Variants in TBC1D5 observed in about 807,000 individuals in gnomAD.
TBC1D5 encodes the protein TBC1 domain family member 5, also known as TBC1 domain family, member 5.
Under a neutral mutation model 100.3 loss-of-function variants are expected in TBC1D5, and 75 were observed. That is an observed-to-expected ratio of 0.75 (90% CI 0.62 to 0.91). The LOEUF is 0.91. Among genes scored for constraint, TBC1D5 ranks in the 40% least tolerant of loss-of-function variants. TBC1D5 has a pLI of 0.00. For missense variants in TBC1D5, 910 were observed against 942.4 expected, an observed-to-expected ratio of 0.97 and a Z score of 0.45; for synonymous variants, 323 against 325.6, an observed-to-expected ratio of 0.99 and a Z score of 0.09.
intron 2 of TBC1D5, among the ~76,000 whole-genome samples, chr3:17,512,175 C>T (rs568943083): frequency 9.2e-5 from 14 of 152,064 alleles, no homozygotes; most frequent in African/African-American, 1.2e-4. Flanking sequence ...ATTTGTGTTT[C>T]ATAAACATTC....
chr3:17,206,446 T>C (rs542213808), intron 18 of TBC1D5, among the ~76,000 whole-genome samples: 1 of 152,340 alleles, frequency 6.6e-6, no homozygotes, highest in South Asian at 2.1e-4. Context: ...GTTAGGCAAT[T>C]CTCCAGTTTT....
At chr3:17,630,268 AT>A (rs568324550) in intron 1 of TBC1D5, among the ~76,000 whole-genome samples, 182 of 152,118 alleles carry the variant, frequency 1.2e-3, no homozygotes, top group African/African-American at 4.2e-3. Flanking sequence ...CAGATGCTGC[AT>A]TTTTTTTACA....
At chr3:17,375,874 G>T (rs552912098) in intron 10 of TBC1D5, among the ~76,000 whole-genome samples, 2 of 152,028 alleles carry the variant, frequency 1.3e-5, no homozygotes, top group African/African-American at 4.8e-5. Flanking sequence ...ATATAGATGC[G>T]CTGGCCTGAT....
At chr3:17,254,819 A>G (rs2077498472) in intron 16 of TBC1D5, among the ~76,000 whole-genome samples, 1 of 151,778 alleles carries the variant, frequency 6.6e-6, no homozygotes, top group Non-Finnish European at 1.5e-5. Flanking sequence ...CTAGAAGAAA[A>G]AGCTGTTACA....
chr3:17,648,694 A>G (rs1300878058), intron 1 of TBC1D5, among the ~76,000 whole-genome samples: 1 of 152,226 alleles, frequency 6.6e-6, no homozygotes, highest in Non-Finnish European at 1.5e-5. Context: ...TTCTCAAAAG[A>G]AGACATACAT....
intron 2 of TBC1D5, among the ~76,000 whole-genome samples, chr3:17,559,678 G>A (rs1038328244): frequency 6.7e-6 from 1 of 148,638 alleles, no homozygotes; most frequent in African/African-American, 2.5e-5. Context: ...CAACCTCCAC[G>A]TCCTGGGTTC....
chr3:17,236,030 T>C (rs1355198456), intron 17 of TBC1D5, among the ~76,000 whole-genome samples: 2 of 152,184 alleles, frequency 1.3e-5, no homozygotes, highest in Non-Finnish European at 2.9e-5. Context: ...GATAATCATG[T>C]TCCAAATACT....
intron 2 of TBC1D5, among the ~76,000 whole-genome samples, chr3:17,526,591 G>A (rs1329797709): frequency 6.6e-6 from 1 of 152,198 alleles, no homozygotes; most frequent in Non-Finnish European, 1.5e-5. Context: ...TAGCTAAACT[G>A]TGTCTCAGTT....
chr3:17,735,297 A>G (rs2076875254), intron 1 of TBC1D5, among the ~76,000 whole-genome samples: 1 of 152,218 alleles, frequency 6.6e-6, no homozygotes, highest in Non-Finnish European at 1.5e-5. Context: ...ACATTCATAC[A>G]ATGAAATAGT....
chr3:17,322,339 G>C (rs1001855872), intron 13 of TBC1D5, among the ~76,000 whole-genome samples: 3 of 152,132 alleles, frequency 2.0e-5, no homozygotes, highest in African/African-American at 7.2e-5. Flanking sequence ...AATAGAATAG[G>C]GTTGACTTTA....
At chr3:17,354,693 T>G (rs991855780) in intron 13 of TBC1D5, among the ~76,000 whole-genome samples, 1 of 151,268 alleles carries the variant, frequency 6.6e-6, no homozygotes, top group Admixed American at 6.6e-5. Flanking sequence ...TTTTTACAAC[T>G]AGAGGAAATA....
chr3:17,496,770 G>A (rs113539440), intron 3 of TBC1D5, among the ~76,000 whole-genome samples: 2 of 152,014 alleles, frequency 1.3e-5, no homozygotes, highest in African/African-American at 4.8e-5. Flanking sequence ...CAAGTCAAAA[G>A]GAAATATATT....
At chr3:17,700,205 C>T (rs1434536058) in intron 1 of TBC1D5, among the ~76,000 whole-genome samples, 9 of 150,846 alleles carry the variant, frequency 6.0e-5, no homozygotes, top group East Asian at 1.9e-4. Context: ...CTTTGACAAA[C>T]CTGACAAAAA....
chr3:17,342,171 T>C (rs2089077829), intron 13 of TBC1D5, among the ~76,000 whole-genome samples: 1 of 152,234 alleles, frequency 6.6e-6, no homozygotes, highest in African/African-American at 2.4e-5. Flanking sequence ...TGCTGAGACT[T>C]ATCTTTGTCA....
intron 1 of TBC1D5, among the ~76,000 whole-genome samples, chr3:17,673,846 C>A (rs1355665093): frequency 1.3e-5 from 2 of 152,126 alleles, no homozygotes; most frequent in Non-Finnish European, 2.9e-5. Context: ...AAGTCAAGTT[C>A]TCAGGAGATC....
intron 12 of TBC1D5, among the ~76,000 whole-genome samples, chr3:17,372,484 T>A (rs1410464995): frequency 6.6e-6 from 1 of 152,194 alleles, no homozygotes; most frequent in Non-Finnish European, 1.5e-5. Flanking sequence ...TTAAGACGAA[T>A]GTTCAAAAGT....
At chr3:17,413,004 T>A (rs1388963573) in intron 4 of TBC1D5, among the ~76,000 whole-genome samples, 1 of 152,146 alleles carries the variant, frequency 6.6e-6, no homozygotes, top group African/African-American at 2.4e-5. Flanking sequence ...ACTGAGAAGA[T>A]AAGTTAACAA....
At chr3:17,601,419 G>T (rs1277480835) in intron 2 of TBC1D5, among the ~76,000 whole-genome samples, 1 of 152,226 alleles carries the variant, frequency 6.6e-6, no homozygotes. Flanking sequence ...GCTGAGGCAG[G>T]AGAATCGCTT....
chr3:17,597,962 A>T (rs1000861018), intron 2 of TBC1D5, among the ~76,000 whole-genome samples: 5 of 152,128 alleles, frequency 3.3e-5, no homozygotes, highest in Admixed American at 3.3e-4. Context: ...TACCAAGTTC[A>T]ATTTAGCTTA....
Sources: gnomAD v4.1 joint callset for allele counts (sites outside exome capture counted in the v4.1 genomes callset) on GRCh38, gnomAD v4.1.1 for gene constraint, MANE v1.5 for transcripts, NCBI Gene and HGNC (gene_info 2026-07-23, HGNC 2026-07-21) for gene names.